The following GRIK4 variants were observed in gnomAD, a reference collection of about 807,000 sequenced individuals.
GRIK4 encodes the protein glutamate ionotropic receptor kainate type subunit 4, also known as glutamate receptor ionotropic, kainate 4.
In GRIK4, 40 loss-of-function variants were observed where a neutral mutation model predicts 104.9. That is an observed-to-expected ratio of 0.38 (90% CI 0.30 to 0.50). GRIK4 has a LOEUF of 0.50. Among genes scored for constraint, GRIK4 ranks in the 20% least tolerant of loss-of-function variants. GRIK4 has a pLI of 0.93. For missense variants in GRIK4, 1,047 were observed against 1,308.1 expected, an observed-to-expected ratio of 0.80 and a Z score of 3.08; for synonymous variants, 485 against 524.9, an observed-to-expected ratio of 0.92 and a Z score of 1.04.
At chr11:120,544,487 C>A (rs1948066498) in intron 1 of GRIK4, among the ~76,000 whole-genome samples, 2 of 152,136 alleles carry the variant, frequency 1.3e-5, no homozygotes, top group Admixed American at 1.3e-4. Context: ...TGTGCCACCA[C>A]ATCTGGCTAA....
At position 120,985,888 on chromosome 11, in the gene GRIK4, T is replaced by C. The variant is rs1306559490; in HGVS notation, c.2515-16T>C. 6.4e-7 allele frequency: 1 copy of C among 1,550,588 alleles called. No homozygotes were observed. ...CTGGTTGAGAGGCTGGGCCCTGACC[T>C]CGCTGTCTCCTCCAGGTGTCCGTCT... is the stretch of plus-strand genomic sequence containing the variant. On this transcript the variant is annotated splice_polypyrimidine_tract_variant and intron_variant, in intron 20 of 20. Coordinates refer to ENST00000527524, the MANE Select transcript of GRIK4 (RefSeq NM_014619.5).
In GRIK4 at chr11:120,656,835, C is replaced by T. The variant is rs192009813; in HGVS notation, c.-51+3043C>T. ...CGCCACTGCACTCCAGCCTGAGCGACAGAGCAAGACTCTGTCTCAAAAATA... is the reference window on the plus strand; with the variant it reads ...CGCCACTGCACTCCAGCCTGAGCGATAGAGCAAGACTCTGTCTCAAAAATA... On this transcript the variant is annotated intron_variant, in intron 2 of 20. Coordinates refer to ENST00000527524, the MANE Select transcript of GRIK4 (RefSeq NM_014619.5). 2.1e-3 allele frequency among the ~76,000 whole-genome samples: 326 copies of T among 152,262 alleles called. 2 individuals are homozygous for T. Among genetic ancestry groups the T allele is most frequent in the African/African-American group, 7.4e-3 (308 of 41,550 alleles).
At chr11:120,778,478 A>T (rs966489481) in intron 3 of GRIK4, among the ~76,000 whole-genome samples, 1 of 152,264 alleles carries the variant, frequency 6.6e-6, no homozygotes, top group Non-Finnish European at 1.5e-5. Context: ...TGATGTGGTT[A>T]TTAGGCTGCA....
chr11:120,542,468 C>T (rs1948047056), intron 1 of GRIK4, among the ~76,000 whole-genome samples: 2 of 152,120 alleles, frequency 1.3e-5, no homozygotes, highest in Non-Finnish European at 2.9e-5. Flanking sequence ...CTACATCAAA[C>T]AAGAAAGCTT....
Position 120,953,613 on chromosome 11 carries a change from G to A in GRIK4, c.1700+649G>A, listed in dbSNP as rs547993478. 2.0e-5 allele frequency among the ~76,000 whole-genome samples: 3 copies of A among 152,272 alleles called. No homozygotes were observed. Among genetic ancestry groups the A allele is most frequent in the South Asian group, 2.1e-4 (1 of 4,814 alleles). ...TGAGACGCACGGGCCAGACCAGGGAGGGGGGAGAATAAGCCCTGCCCTATC... is the reference window on the plus strand; with the variant it reads ...TGAGACGCACGGGCCAGACCAGGGAAGGGGGAGAATAAGCCCTGCCCTATC... On this transcript the variant is annotated intron_variant, in intron 15 of 20. Transcript: ENST00000527524. This position sits in a 1 kb window ranked among gnomAD's most constrained non-coding sequence, Gnocchi z 4.9.
intron 11 of GRIK4, among the ~76,000 whole-genome samples, chr11:120,893,605 G>A (rs1341929945): frequency 6.6e-6 from 1 of 152,224 alleles, no homozygotes; most frequent in Non-Finnish European, 1.5e-5. Context: ...GCCCAGCACA[G>A]AGCCCCTGTG....
intron 1 of GRIK4, among the ~76,000 whole-genome samples, chr11:120,571,002 T>C (rs981759711): frequency 6.6e-5 from 10 of 152,196 alleles, no homozygotes; most frequent in African/African-American, 2.4e-4. Context: ...CCTCTCAGAA[T>C]GATTTTCCAC....
chr11:120,975,782 C>T (rs886404685), intron 19 of GRIK4, among the ~76,000 whole-genome samples: 3 of 152,094 alleles, frequency 2.0e-5, no homozygotes, highest in African/African-American at 7.2e-5. Flanking sequence ...TGCCGAGTGA[C>T]TGGGAGAGAT....
At chr11:120,579,846 CAA>C (rs1453998247) in intron 1 of GRIK4, among the ~76,000 whole-genome samples, 1 of 152,176 alleles carries the variant, frequency 6.6e-6, no homozygotes, top group Admixed American at 6.5e-5. Context: ...CCACCACAAT[CAA>C]GATATGGAAC....
intron 6 of GRIK4, among the ~76,000 whole-genome samples, chr11:120,829,494 AC>A (rs1361810704): frequency 6.6e-6 from 1 of 152,044 alleles, no homozygotes; most frequent in Non-Finnish European, 1.5e-5. Context: ...ACTGTATGTG[AC>A]CCGTCTTCTC....
Position 120,931,557 on chromosome 11 carries a change from G to T in GRIK4, c.1477-8790G>T, listed in dbSNP as rs192267531. 1.6e-3 allele frequency among the ~76,000 whole-genome samples: 237 copies of T among 152,266 alleles called. 1 individual carries two copies. The highest frequency in any genetic ancestry group is 5.2e-3 in the African/African-American group (215 of 41,538). On this transcript the variant is annotated intron_variant, in intron 13 of 20. Transcript: ENST00000527524. ...TGCAGACTCTGAAGCCAAATTACGT[G>T]GGTTTGAATCCTGGCTCTGCCACTT...
At chr11:120,544,546 G>T (rs1478724040) in intron 1 of GRIK4, among the ~76,000 whole-genome samples, 2 of 152,168 alleles carry the variant, frequency 1.3e-5, no homozygotes, top group African/African-American at 2.4e-5. Context: ...GGCCAGGCTG[G>T]TCTTGAGCTC....
intron 1 of GRIK4, among the ~76,000 whole-genome samples, chr11:120,599,924 C>G (rs1248869662): frequency 6.6e-6 from 1 of 152,238 alleles, no homozygotes. Flanking sequence ...CTTTTGGTGT[C>G]TCTTGCAGCC....
At chr11:120,844,122 A>G (rs1953792621) in intron 8 of GRIK4, among the ~76,000 whole-genome samples, 1 of 152,206 alleles carries the variant, frequency 6.6e-6, no homozygotes. Context: ...AATTGCTAAA[A>G]TTATTACAGA....
At chr11:120,985,171 T>C (rs934663311) in intron 20 of GRIK4, among the ~76,000 whole-genome samples, 18 of 152,264 alleles carry the variant, frequency 1.2e-4, no homozygotes, top group African/African-American at 3.6e-4. Flanking sequence ...CCTAAAAAGC[T>C]TGGAGAGTTC....
chr11:120,682,464 C>G (rs1453269705), intron 3 of GRIK4, among the ~76,000 whole-genome samples: 1 of 152,096 alleles, frequency 6.6e-6, no homozygotes, highest in Non-Finnish European at 1.5e-5. Context: ...GATGCTTTTT[C>G]TTTCTCTCGC....
chr11:120,945,322 T>C (rs1317642555), intron 14 of GRIK4, among the ~76,000 whole-genome samples: 2 of 152,196 alleles, frequency 1.3e-5, no homozygotes, highest in African/African-American at 4.8e-5. Context: ...ATTACAACAC[T>C]TTTAGGTTGC....
chr11:120,516,889 G>A (rs1323466920), intron 1 of GRIK4, among the ~76,000 whole-genome samples: 1 of 152,082 alleles, frequency 6.6e-6, no homozygotes, highest in Non-Finnish European at 1.5e-5. Context: ...GGAGGAGCCT[G>A]GAGCCATCGG....
intron 1 of GRIK4, among the ~76,000 whole-genome samples, chr11:120,635,197 C>G (rs1481456594): frequency 1.3e-5 from 2 of 152,190 alleles, no homozygotes; most frequent in Non-Finnish European, 2.9e-5. Flanking sequence ...GGTTAGGAAC[C>G]AAGCACATCC....
Sources: allele counts gnomAD v4.1 joint callset (sites outside exome capture counted in the v4.1 genomes callset), GRCh38; gene constraint gnomAD v4.1.1; non-coding constraint Gnocchi (gnomAD v3.1); transcripts MANE v1.5; gene names NCBI Gene and HGNC (gene_info 2026-07-23, HGNC 2026-07-21).